NKAIN3: variants seen among roughly 807,000 people sequenced by gnomAD.
The protein encoded by NKAIN3 is sodium/potassium-transporting ATPase subunit beta-1-interacting protein 3.
NKAIN3 carries 25 observed loss-of-function variants against 30.2 expected under a neutral mutation model. The ratio of observed to expected loss-of-function variants is 0.83; its 90% CI spans 0.60 to 1.16. NKAIN3 has a LOEUF of 1.16. Ranked by LOEUF, NKAIN3 falls within the 50% of genes most tolerant of loss-of-function variation. The pLI, the probability that NKAIN3 is intolerant of heterozygous loss-of-function variation, is 0.00. For missense variants in NKAIN3, 225 were observed against 254.1 expected (o/e 0.89, Z 0.78); for synonymous variants, 91 against 89.6 (o/e 1.02, Z -0.09).
At chr8:62,444,624 A>G (rs1437317778) in intron 1 of NKAIN3, among the ~76,000 whole-genome samples, 4 of 152,196 alleles carry the variant, frequency 2.6e-5, no homozygotes, top group African/African-American at 2.4e-5. Context: ...TTAATGGACA[A>G]TTACCTTGAT....
At chr8:62,589,635 T>A (rs1250169838) in intron 2 of NKAIN3, 79 bp from the exon 3 acceptor site, 1 of 618,172 alleles carries the variant, frequency 1.6e-6, no homozygotes. Flanking sequence ...ATTGACATTT[T>A]TATTATTGAT....
intron 3 of NKAIN3, among the ~76,000 whole-genome samples, chr8:62,622,766 T>C (rs1204785294): frequency 6.6e-6 from 1 of 152,042 alleles, no homozygotes; most frequent in African/African-American, 2.4e-5. Context: ...GAGAAAATCT[T>C]TTTAATTTTT....
chr8:62,284,854 G>T (rs1813324822), intron 1 of NKAIN3, among the ~76,000 whole-genome samples: 2 of 152,070 alleles, frequency 1.3e-5, no homozygotes, highest in Admixed American at 1.3e-4. Context: ...AGAATTCCTG[G>T]GTAACTGTGG....
At chr8:62,690,892 C>T (rs545270551) in intron 3 of NKAIN3, among the ~76,000 whole-genome samples, 1 of 152,310 alleles carries the variant, frequency 6.6e-6, no homozygotes, top group African/African-American at 2.4e-5. Context: ...GAAGGAGACA[C>T]TGCGGATGGT....
chr8:62,717,754 CA>C (rs1257322595), intron 3 of NKAIN3, among the ~76,000 whole-genome samples: 1 of 151,862 alleles, frequency 6.6e-6, no homozygotes, highest in South Asian at 2.1e-4. Flanking sequence ...CAATAGTTCC[CA>C]AAAAATCTTT....
At chr8:62,348,063 G>A (rs952891196) in intron 1 of NKAIN3, among the ~76,000 whole-genome samples, 1 of 151,754 alleles carries the variant, frequency 6.6e-6, no homozygotes, top group African/African-American at 2.4e-5. Flanking sequence ...GTATTTTATT[G>A]TTCATAAATA....
intron 1 of NKAIN3, among the ~76,000 whole-genome samples, chr8:62,572,274 C>A (rs183654425): frequency 6.6e-6 from 1 of 152,164 alleles, no homozygotes; most frequent in African/African-American, 2.4e-5. Context: ...ACAAGAGTCA[C>A]CTTTGCTCCA....
chr8:62,458,087 A>G (rs937640310), intron 1 of NKAIN3, among the ~76,000 whole-genome samples: 6 of 152,208 alleles, frequency 3.9e-5, no homozygotes, highest in East Asian at 1.9e-4. Context: ...CAAAAATAAC[A>G]GCATCATAAT....
intron 1 of NKAIN3, among the ~76,000 whole-genome samples, chr8:62,328,515 A>G (rs1017210660): frequency 6.6e-6 from 1 of 152,172 alleles, no homozygotes; most frequent in African/African-American, 2.4e-5. Flanking sequence ...ATATTATCTC[A>G]TAGAGATTTC....
chr8:62,386,203 T>C (rs1563375140), intron 1 of NKAIN3, among the ~76,000 whole-genome samples: 1 of 152,238 alleles, frequency 6.6e-6, no homozygotes, highest in South Asian at 2.1e-4. Context: ...TGTGAGAAAG[T>C]CACATTGCAA....
intron 5 of NKAIN3, among the ~76,000 whole-genome samples, chr8:62,952,540 C>T (rs188121746): frequency 4.6e-5 from 7 of 152,154 alleles, no homozygotes; most frequent in African/African-American, 9.7e-5. Context: ...CTGACTATTT[C>T]GACCTTTGAA....
At chr8:62,815,665 C>T (rs1818653341) in intron 4 of NKAIN3, among the ~76,000 whole-genome samples, 1 of 152,130 alleles carries the variant, frequency 6.6e-6, no homozygotes, top group South Asian at 2.1e-4. Flanking sequence ...TGACAACATT[C>T]AAAAACCTTC....
chr8:62,774,595 T>A (rs1817128030), intron 4 of NKAIN3, among the ~76,000 whole-genome samples: 1 of 152,124 alleles, frequency 6.6e-6, no homozygotes, highest in Non-Finnish European at 1.5e-5. Flanking sequence ...TACTCAGTTT[T>A]TTTAGGGTTT....
intron 4 of NKAIN3, among the ~76,000 whole-genome samples, chr8:62,853,594 T>C (rs752701422): frequency 6.6e-6 from 1 of 152,310 alleles, no homozygotes; most frequent in Non-Finnish European, 1.5e-5. Context: ...GAATCTTCTC[T>C]ATGTTTAGTT....
In NKAIN3 at chr8:62,450,782, G is replaced by T. The variant is rs537774481; in HGVS notation, c.55-128757G>T. 2.0e-5 allele frequency among the ~76,000 whole-genome samples: 3 copies of T among 152,282 alleles called. No individual in the cohort carries two copies. The East Asian group carries it at 5.8e-4, about 29-fold the overall frequency. On this transcript the variant is annotated intron_variant, in intron 1 of 6. Coordinates refer to ENST00000623646, the MANE Select transcript of NKAIN3 (RefSeq NM_001304533.3). ...GCTCAGGATCAGAATGTAGAAACTG[G>T]ATCCCTGCAGAAGGAAAAAATGATG...
intron 3 of NKAIN3, among the ~76,000 whole-genome samples, chr8:62,629,893 C>A (rs997049737): frequency 7.9e-5 from 12 of 151,996 alleles, no homozygotes. Flanking sequence ...TTAAAAGGTG[C>A]ATACTAATCT....
chr8:62,800,527 G>T (rs1215509096), intron 4 of NKAIN3, among the ~76,000 whole-genome samples: 3 of 152,096 alleles, frequency 2.0e-5, no homozygotes, highest in East Asian at 1.9e-4. Flanking sequence ...TCATCATGTA[G>T]ATCTGCAGAC....
intron 3 of NKAIN3, among the ~76,000 whole-genome samples, chr8:62,634,716 T>A (rs1812072205): frequency 6.6e-6 from 1 of 152,166 alleles, no homozygotes; most frequent in African/African-American, 2.4e-5. Context: ...CATGCTTGCA[T>A]GGACTTGTGG....
intron 1 of NKAIN3, among the ~76,000 whole-genome samples, chr8:62,535,376 C>A (rs1271514613): frequency 6.6e-6 from 1 of 152,060 alleles, no homozygotes. Context: ...TCCTCTAATT[C>A]AATTCTGACT....
Sources: gnomAD v4.1 joint callset for allele counts (sites outside exome capture counted in the v4.1 genomes callset) on GRCh38, gnomAD v4.1.1 for gene constraint, MANE v1.5 for transcripts, NCBI Gene and HGNC (gene_info 2026-07-23, HGNC 2026-07-21) for gene names.